Variants in KCNQ1 observed in about 807,000 individuals in gnomAD.
KCNQ1 encodes potassium voltage-gated channel subfamily KQT member 1.
In KCNQ1, 49 loss-of-function variants were observed where a neutral mutation model predicts 72.4. The ratio of observed to expected loss-of-function variants is 0.68; its 90% CI spans 0.54 to 0.86. The LOEUF (loss-of-function observed/expected upper bound fraction) is 0.86. Among genes scored for constraint, KCNQ1 ranks in the 40% least tolerant of loss-of-function variants. The pLI, the probability that KCNQ1 is intolerant of heterozygous loss-of-function variation, is 0.00. For missense variants in KCNQ1, 790 were observed against 945.1 expected (o/e 0.84, Z 2.15); for synonymous variants, 450 against 412.6 (o/e 1.09, Z -1.10).
chr11:2,553,740 A>G (rs1208280155), intron 2 of KCNQ1, among the ~76,000 whole-genome samples: 1 of 151,644 alleles, frequency 6.6e-6, no homozygotes, highest in Non-Finnish European at 1.5e-5. Flanking sequence ...TTTGAGATGG[A>G]GTCTTGGTCT....
chr11:2,695,219 A>C lies in KCNQ1; in HGVS notation c.1514+33138A>C. On this transcript the variant is annotated intron_variant, in intron 11 of 15. Coordinates refer to ENST00000155840, the MANE Select transcript of KCNQ1 (RefSeq NM_000218.3). The surrounding 1 kb of genome is among the most constrained non-coding windows in gnomAD (Gnocchi z 5.2). ...ACACTGTCACCCTGTAAGGGTCTGCATAAAGTCACCGCTCTCTTCCTCTCC... is the reference window on the plus strand; with the variant it reads ...ACACTGTCACCCTGTAAGGGTCTGCCTAAAGTCACCGCTCTCTTCCTCTCC... The C allele has an allele frequency of 5.0e-6, 2 of 398,626 alleles. No individual in the cohort carries two copies. Among genetic ancestry groups the C allele is most frequent in the Non-Finnish European group, 8.8e-6 (2 of 226,098 alleles). The allele number at this position is 398,626 out of a possible 1,614,324, so 24.7% of individuals were successfully genotyped here. A position where few individuals can be genotyped will look rare whatever the true frequency, so the allele number is the denominator to read the frequency against.
At chr11:2,655,832 A>C (rs1849836987) in intron 10 of KCNQ1, 1 of 398,572 alleles carries the variant, frequency 2.5e-6, no homozygotes, top group East Asian at 3.6e-5. Flanking sequence ...CCAGCAGACA[A>C]TAACCTCTCC....
intron 3 of KCNQ1, 64 bp downstream of exon 3, chr11:2,570,818 C>A: frequency 6.3e-7 from 1 of 1,598,192 alleles, no homozygotes; most frequent in Non-Finnish European, 8.5e-7. Context: ...ACCCCCACCT[C>A]ATGACCCCTA....
In KCNQ1 at chr11:2,670,789, T is replaced by G. The variant is rs1850170094; in HGVS notation, c.1514+8708T>G. 2.5e-6 allele frequency: 1 copy of G among 398,484 alleles called. No individual in the cohort carries two copies. Among genetic ancestry groups the G allele is most frequent in the South Asian group, 1.3e-4 (1 of 7,850 alleles). 24.7% of individuals were successfully genotyped at this position (398,484 alleles called of 1,614,324 possible). On this transcript the variant is annotated intron_variant, in intron 11 of 15. Transcript: ENST00000155840. The surrounding 1 kb of genome is among the most constrained non-coding windows in gnomAD (Gnocchi z 4.9). ...TGTGGCTGCCCTCTGCAATAAGAAT[T>G]CTTCAAGTTCAGCCTCTATGTGCAT...
intron 15 of KCNQ1, among the ~76,000 whole-genome samples, chr11:2,847,105 C>A (rs1403924097): frequency 6.6e-6 from 1 of 151,700 alleles, no homozygotes; most frequent in Non-Finnish European, 1.5e-5. Flanking sequence ...AAAAACCCAC[C>A]CCCACCCCCT....
At chr11:2,773,743 C>T (rs1203794045) in intron 12 of KCNQ1, among the ~76,000 whole-genome samples, 1 of 130,228 alleles carries the variant, frequency 7.7e-6, no homozygotes, top group East Asian at 1.9e-4. Flanking sequence ...AGGATCAGGG[C>T]TCAATATCCC....
In KCNQ1 at chr11:2,479,118, G is replaced by A. The variant is rs1846616671; in HGVS notation, c.386+33634G>A. ...AGCTCTGCCCCTCTGGCTTTGCAGG[G>A]TACAGCCTCCCTCCTGGCTGCTTTC... On this transcript the variant is annotated intron_variant, in intron 1 of 15. Transcript: ENST00000155840. The surrounding 1 kb of genome is among the most constrained non-coding windows in gnomAD (Gnocchi z 4.6). Among the ~76,000 whole-genome samples, 3 of 152,214 alleles carry A rather than the reference G, an allele frequency of 2.0e-5. No homozygotes were observed. Among genetic ancestry groups the A allele is most frequent in the Admixed American group, 2.0e-4 (3 of 15,284 alleles).
intron 15 of KCNQ1, among the ~76,000 whole-genome samples, chr11:2,811,900 G>A (rs1847494249): frequency 6.6e-6 from 1 of 152,198 alleles, no homozygotes; most frequent in South Asian, 2.1e-4. Flanking sequence ...GAGCTCCCGA[G>A]TGCCCGCCGC....
intron 11 of KCNQ1, among the ~76,000 whole-genome samples, chr11:2,728,008 G>A (rs1448384212): frequency 6.6e-6 from 1 of 152,046 alleles, no homozygotes; most frequent in African/African-American, 2.4e-5. Flanking sequence ...TCATGTGACC[G>A]CTCCCGCTCA....
intron 15 of KCNQ1, chr11:2,840,291 G>C (rs925242860): frequency 1.3e-5 from 2 of 152,844 alleles, no homozygotes; most frequent in East Asian, 1.9e-4. Context: ...TTACTGTCTC[G>C]GGTGACAGAG....
At chr11:2,737,293 C>T (rs1379660593) in intron 11 of KCNQ1, among the ~76,000 whole-genome samples, 2 of 152,182 alleles carry the variant, frequency 1.3e-5, no homozygotes, top group Non-Finnish European at 2.9e-5. Flanking sequence ...CCCCGGGCAG[C>T]TGCTGCCGTG....
intron 11 of KCNQ1, among the ~76,000 whole-genome samples, chr11:2,738,492 G>A (rs1845996045): frequency 6.6e-6 from 1 of 152,192 alleles, no homozygotes; most frequent in Admixed American, 6.5e-5. Context: ...CACCTCTGCT[G>A]GGGGCAGAGA....
chr11:2,762,481 G>A lies in KCNQ1; in HGVS notation c.1515-6363G>A, dbSNP rs938435782. On this transcript the variant is annotated intron_variant, in intron 11 of 15. Coordinates refer to ENST00000155840, the MANE Select transcript of KCNQ1 (RefSeq NM_000218.3). The surrounding 1 kb of genome is among the most constrained non-coding windows in gnomAD (Gnocchi z 4.3). ...AAGCGTATCCTTCCGCCAGCTCGACGGCAAAGGCGTCTTTTCTATGAACCA... is the reference window on the plus strand; with the variant it reads ...AAGCGTATCCTTCCGCCAGCTCGACAGCAAAGGCGTCTTTTCTATGAACCA... Among the ~76,000 whole-genome samples, 4 of 152,150 alleles carry A rather than the reference G, an allele frequency of 2.6e-5. No homozygotes were observed. Among genetic ancestry groups the A allele is most frequent in the African/African-American group, 4.8e-5 (2 of 41,408 alleles).
chr11:2,476,377 A>T lies in KCNQ1; in HGVS notation c.386+30893A>T, dbSNP rs140853315. Among the ~76,000 whole-genome samples, 795 of 152,350 alleles carry T rather than the reference A, an allele frequency of 5.2e-3. 3 individuals carry two copies. The highest frequency in any genetic ancestry group is 0.02 in the Middle Eastern group (6 of 294). On this transcript the variant is annotated intron_variant, in intron 1 of 15. Coordinates refer to ENST00000155840, the MANE Select transcript of KCNQ1 (RefSeq NM_000218.3). ...CATCAGCAATATTACTGTGTAATAG[A>T]TCTGAACATTAAAGGGGCATATATG...
intron 11 of KCNQ1, among the ~76,000 whole-genome samples, chr11:2,738,912 C>T (rs905134564): frequency 1.3e-5 from 2 of 152,192 alleles, no homozygotes; most frequent in African/African-American, 4.8e-5. Context: ...GAGGTGCCTG[C>T]GGCCAGGTGG....
At chr11:2,649,472 T>C (rs1025214945) in intron 10 of KCNQ1, 1 of 398,570 alleles carries the variant, frequency 2.5e-6, no homozygotes, top group Non-Finnish European at 4.4e-6. Context: ...GCTGATTTAG[T>C]AGTAATGAAT....
rs1001519520 is a variant in KCNQ1, at chr11:2,550,185, C to G, written c.478-20443C>G. 1.3e-5 allele frequency among the ~76,000 whole-genome samples: 2 copies of G among 152,238 alleles called. No individual in the cohort carries two copies. The highest frequency in any genetic ancestry group is 4.8e-5 in the African/African-American group (2 of 41,466). On this transcript the variant is annotated intron_variant, in intron 2 of 15. Coordinates refer to ENST00000155840, the MANE Select transcript of KCNQ1 (RefSeq NM_000218.3). The surrounding 1 kb of genome is among the most constrained non-coding windows in gnomAD (Gnocchi z 6.0). ...TGGACATCCCGCAGGCAGTGCACGT[C>G]CCTCCCCCGCCTCTCTTTGCCGTTG...
Position 2,493,426 on chromosome 11 carries a change from A to G in KCNQ1, c.387-34502A>G, listed in dbSNP as rs1160904564. ...TGTTTTAGTCATGAAGTCCTTGCCC[A>G]TGCCTATGTCCTGAATGGTATTGCC... On this transcript the variant is annotated intron_variant, in intron 1 of 15. Coordinates refer to ENST00000155840, the MANE Select transcript of KCNQ1 (RefSeq NM_000218.3). This position sits in a 1 kb window ranked among gnomAD's most constrained non-coding sequence, Gnocchi z 5.3. Among the ~76,000 whole-genome samples the G allele has an allele frequency of 1.3e-5, 2 of 152,158 alleles. No homozygotes were observed. Among genetic ancestry groups the G allele is most frequent in the Admixed American group, 6.5e-5 (1 of 15,278 alleles).
intron 1 of KCNQ1, among the ~76,000 whole-genome samples, chr11:2,522,951 C>T (rs986779154): frequency 4.6e-5 from 7 of 152,254 alleles, no homozygotes; most frequent in African/African-American, 1.4e-4. Flanking sequence ...CCTGTATTCT[C>T]CCGCAACGCC....
Sources: allele counts gnomAD v4.1 joint callset (sites outside exome capture counted in the v4.1 genomes callset), GRCh38; gene constraint gnomAD v4.1.1; non-coding constraint Gnocchi (gnomAD v3.1); transcripts MANE v1.5; gene names NCBI Gene and HGNC (gene_info 2026-07-23, HGNC 2026-07-21).